The following LPAR1 variants were observed in gnomAD, a reference collection of about 807,000 sequenced individuals.
The protein encoded by LPAR1 is lysophosphatidic acid receptor 1.
Under a neutral mutation model 23.8 loss-of-function variants are expected in LPAR1, and 5 were observed. That is an observed-to-expected ratio of 0.21 (90% CI 0.11 to 0.44). The LOEUF (loss-of-function observed/expected upper bound fraction) is 0.44, where lower values mean the gene tolerates loss of function less well. Ranked by LOEUF, LPAR1 falls within the 20% of genes least tolerant of loss-of-function variation. LPAR1 has a pLI of 0.99. For missense variants in LPAR1, 311 were observed against 482.8 expected (o/e 0.64, Z 3.33); for synonymous variants, 160 against 164.7 (o/e 0.97, Z 0.22).
At chr9:111,031,381 A>G (rs2097790513) in intron 2 of LPAR1, among the ~76,000 whole-genome samples, 1 of 143,138 alleles carries the variant, frequency 7.0e-6, no homozygotes. Context: ...ATGTAGTGAG[A>G]GCCCATTTCT....
At chr9:110,997,197 C>T (rs1162718695) in intron 2 of LPAR1, among the ~76,000 whole-genome samples, 2 of 152,096 alleles carry the variant, frequency 1.3e-5, no homozygotes, top group African/African-American at 4.8e-5. Flanking sequence ...ATCAAGAAGC[C>T]CATTTCAAAG....
chr9:110,934,821 AAC>A (rs34585506), intron 5 of LPAR1, among the ~76,000 whole-genome samples: 35,855 of 148,604 alleles, frequency 0.24, 4,524 homozygotes, highest in Non-Finnish European at 0.29. Flanking sequence ...CACACACACA[AAC>A]ACACACACAC....
At chr9:110,955,523 A>C (rs1192847040) in intron 4 of LPAR1, among the ~76,000 whole-genome samples, 5 of 152,170 alleles carry the variant, frequency 3.3e-5, no homozygotes, top group Non-Finnish European at 1.5e-5. Flanking sequence ...AAAAATTAAC[A>C]AATAAACATT....
chr9:110,878,228 C>T (rs1401614786), intron 5 of LPAR1, among the ~76,000 whole-genome samples: 8 of 152,120 alleles, frequency 5.3e-5, no homozygotes, highest in African/African-American at 1.2e-4. Context: ...CAGTACAGGC[C>T]TCCGAAATCA....
intron 5 of LPAR1, among the ~76,000 whole-genome samples, chr9:110,887,640 C>T (rs2082772639): frequency 6.6e-6 from 1 of 152,122 alleles, no homozygotes; most frequent in African/African-American, 2.4e-5. Context: ...GAAGTGGGTG[C>T]TTCGGCTACA....
At chr9:110,961,324 A>C (rs1262203041) in intron 4 of LPAR1, among the ~76,000 whole-genome samples, 1 of 151,982 alleles carries the variant, frequency 6.6e-6, no homozygotes, top group African/African-American at 2.4e-5. Context: ...CTTATTAAAA[A>C]AAAAAGAGGT....
At chr9:110,893,138 C>T (rs1482159172) in intron 5 of LPAR1, among the ~76,000 whole-genome samples, 1 of 152,172 alleles carries the variant, frequency 6.6e-6, no homozygotes, top group African/African-American at 2.4e-5. Context: ...AATGGACACA[C>T]TCATATACTG....
chr9:110,884,089 A>G (rs2081658551), intron 5 of LPAR1, among the ~76,000 whole-genome samples: 1 of 152,044 alleles, frequency 6.6e-6, no homozygotes, highest in Admixed American at 6.6e-5. Context: ...TATGATTCCC[A>G]TTCTTTTTGT....
intron 5 of LPAR1, among the ~76,000 whole-genome samples, chr9:110,931,288 A>G (rs2094399115): frequency 6.6e-6 from 1 of 152,120 alleles, no homozygotes; most frequent in African/African-American, 2.4e-5. Flanking sequence ...GTTTTGTCAT[A>G]TTATATTGTG....
At chr9:110,900,473 G>A (rs2133806416) in intron 5 of LPAR1, among the ~76,000 whole-genome samples, 1 of 152,264 alleles carries the variant, frequency 6.6e-6, no homozygotes, top group Non-Finnish European at 1.5e-5. Context: ...AATAATTTAA[G>A]ATAAAGTTTC....
intron 2 of LPAR1, among the ~76,000 whole-genome samples, chr9:111,020,642 C>T (rs898512373): frequency 6.6e-6 from 1 of 152,086 alleles, no homozygotes; most frequent in Non-Finnish European, 1.5e-5. Flanking sequence ...CCCCATGACC[C>T]CAGCCCCTTC....
intron 4 of LPAR1, among the ~76,000 whole-genome samples, chr9:110,956,364 G>A (rs1485537167): frequency 6.6e-6 from 1 of 151,134 alleles, no homozygotes; most frequent in Admixed American, 6.7e-5. Flanking sequence ...TTCTGCACAT[G>A]TACCCCAGAA....
intron 5 of LPAR1, among the ~76,000 whole-genome samples, chr9:110,917,255 A>G (rs1316876691): frequency 6.6e-6 from 1 of 151,900 alleles, no homozygotes; most frequent in African/African-American, 2.4e-5. Context: ...AGGCTGGGGA[A>G]GGAGCATCAC....
At chr9:110,896,507 T>C (rs1166918887) in intron 5 of LPAR1, among the ~76,000 whole-genome samples, 1 of 152,226 alleles carries the variant, frequency 6.6e-6, no homozygotes, top group Non-Finnish European at 1.5e-5. Context: ...TTTTGTGTTT[T>C]GCACTTAAGT....
chr9:110,970,741 C>T (rs1332907819), intron 4 of LPAR1, among the ~76,000 whole-genome samples: 7 of 152,080 alleles, frequency 4.6e-5, no homozygotes, highest in Non-Finnish European at 7.4e-5. Flanking sequence ...AATTGAATAG[C>T]CTGCAAAATC....
intron 5 of LPAR1, among the ~76,000 whole-genome samples, chr9:110,901,366 C>T (rs552733874): frequency 6.6e-6 from 1 of 152,182 alleles, no homozygotes; most frequent in South Asian, 2.1e-4. Context: ...TCATTGAAGC[C>T]CATAGAGGCA....
rs555955804 is a variant in LPAR1, at chr9:111,026,432, A to G, written c.-182+9690T>C. 5.9e-5 allele frequency among the ~76,000 whole-genome samples: 9 copies of G among 152,340 alleles called. No individual in the cohort carries two copies. The South Asian group carries it at 1.9e-3, about 32-fold the overall frequency. On this transcript the variant is annotated intron_variant, in intron 2 of 5. Coordinates refer to ENST00000683809, the MANE Select transcript of LPAR1 (RefSeq NM_001351411.2). ...TCAGCTTAAGGAGATTTTGGCTGAG[A>G]CGACAGGGTTTTCTAAATATACAAT...
Position 110,970,852 on chromosome 9 carries a change from G to A in LPAR1, c.45+1221C>T, listed in dbSNP as rs372401058. On this transcript the variant is annotated intron_variant, in intron 4 of 5. Transcript: ENST00000683809. ...TATGCTTTTTTCTTCAAAGTTGCCC[G>A]AGGCCGGGCACAGTGGCTCAGGCTT... is the stretch of plus-strand genomic sequence containing the variant. Among the ~76,000 whole-genome samples the A allele has an allele frequency of 6.6e-5, 10 of 152,186 alleles. No homozygotes were observed. The South Asian group carries it at 1.9e-3, about 28-fold the overall frequency.
intron 5 of LPAR1, among the ~76,000 whole-genome samples, chr9:110,897,883 G>C (rs775625925): frequency 6.6e-6 from 1 of 151,352 alleles, no homozygotes; most frequent in Non-Finnish European, 1.5e-5. Context: ...ACTTTGTATT[G>C]TTGAATTTTC....
Sources: gnomAD v4.1 joint callset for allele counts (sites outside exome capture counted in the v4.1 genomes callset) on GRCh38, gnomAD v4.1.1 for gene constraint, MANE v1.5 for transcripts, NCBI Gene and HGNC (gene_info 2026-07-23, HGNC 2026-07-21) for gene names.